ZNF766: variants seen among roughly 807,000 people sequenced by gnomAD.
ZNF766 encodes zinc finger protein 766.
ZNF766 carries 13 observed loss-of-function variants against 13.2 expected under a neutral mutation model. That is an observed-to-expected ratio of 0.98 (90% confidence interval 0.64 to 1.56). The LOEUF (loss-of-function observed/expected upper bound fraction) is 1.56, where lower values mean the gene tolerates loss of function less well. Ranked by LOEUF, ZNF766 falls within the 40% of genes most tolerant of loss-of-function variation. ZNF766 has a pLI of 0.00. For synonymous variants in ZNF766, 178 were observed against 187.6 expected, an observed-to-expected ratio of 0.95 and a Z score of 0.42; for missense variants, 521 against 552.2, an observed-to-expected ratio of 0.94 and a Z score of 0.57.
intron 1 of ZNF766, among the ~76,000 whole-genome samples, chr19:52,281,154 T>TA (rs72487281): frequency 4.6e-4 from 65 of 142,662 alleles, no homozygotes; most frequent in Non-Finnish European, 5.5e-4. Context: ...AAACTCCATC[T>TA]AAAAAAAAAA....
Position 52,282,106 on chromosome 19 carries a change from T to A in ZNF766, c.19-5T>A. On this transcript the variant is annotated splice_region_variant and splice_polypyrimidine_tract_variant and intron_variant, in intron 1 of 3. Transcript: ENST00000439461. ...CCTGTTGGTCAAATACATCTTTTAT[T>A]TTAGGGACACTTGACATTCAGGGAC... The A allele has an allele frequency of 1.3e-6, 2 of 1,597,402 alleles. No homozygotes were observed. Among genetic ancestry groups the A allele is most frequent in the Non-Finnish European group, 1.7e-6 (2 of 1,169,776 alleles).
chr19:52,283,535 T>G (rs1035458008), intron 3 of ZNF766, 122 bp downstream of exon 3: 1 of 1,296,008 alleles, frequency 7.7e-7, no homozygotes, highest in Non-Finnish European at 1.0e-6. Context: ...ACTCCTGGGC[T>G]TCAACAGTCC....
At chr19:52,274,559 C>T (rs1367559549) in intron 1 of ZNF766, 1 of 152,224 alleles carries the variant, frequency 6.6e-6, no homozygotes, top group Non-Finnish European at 1.5e-5. Flanking sequence ...GGAACTGATA[C>T]AGGAACATGT....
rs1982210622 is a variant in ZNF766 at position 52,292,835 on chromosome 19, A to G, written c.*1637A>G. On this transcript the variant is annotated 3_prime_UTR_variant, in exon 4 of 4. Coordinates refer to ENST00000439461, the MANE Select transcript of ZNF766 (RefSeq NM_001010851.3). The stretch of plus-strand genomic sequence containing the variant: ...ATTTTTAAATTAATTTATTTTTAAA[A>G]TTAAAGTTCTAGTGTACATGTCCAC... 6.6e-6 allele frequency: 1 copy of G among 152,238 alleles called. No individual in the cohort carries two copies. The highest frequency in any genetic ancestry group is 2.4e-5 in the African/African-American group (1 of 41,454). 9.4% of individuals were successfully genotyped at this position (152,238 alleles called of 1,614,324 possible). A position where few individuals can be genotyped will look rare whatever the true frequency, so the allele number is the denominator to read the frequency against.
Position 52,291,854 on chromosome 19 carries a change from C to T in ZNF766, c.*656C>T. The T allele has an allele frequency of 9.0e-6, 3 of 334,428 alleles. No individual in the cohort carries two copies. The highest frequency in any genetic ancestry group is 7.2e-5 in the South Asian group (1 of 13,978). 20.7% of individuals were successfully genotyped at this position (334,428 alleles called of 1,614,324 possible). On this transcript the variant is annotated 3_prime_UTR_variant, in exon 4 of 4. Coordinates refer to ENST00000439461, the MANE Select transcript of ZNF766 (RefSeq NM_001010851.3). ...CAATAGAAAGCCAAGACAGGAGGGT[C>T]ACTTGATGCCTGGAGATCAAGATAA...
In ZNF766 at chr19:52,291,244, G is replaced by C. The variant is rs746920523; in HGVS notation, c.*46G>C. On this transcript the variant is annotated 3_prime_UTR_variant, in exon 4 of 4. Transcript: ENST00000439461. The stretch of plus-strand genomic sequence containing the variant: ...AGTTCTAGCAGTAATCAACATCCGA[G>C]AGTCTATACTAGAAAGAAATCATTT... The C allele has an allele frequency of 6.6e-7, 1 of 1,506,034 alleles. No individual in the cohort carries two copies. The highest frequency in any genetic ancestry group is 8.9e-7 in the Non-Finnish European group (1 of 1,122,478). The allele number at this position is 1,506,034 out of a possible 1,614,324, so 93.3% of individuals were successfully genotyped here.
chr19:52,281,233 A>G (rs961696006), intron 1 of ZNF766, among the ~76,000 whole-genome samples: 1 of 151,730 alleles, frequency 6.6e-6, no homozygotes, highest in African/African-American at 2.4e-5. Flanking sequence ...GTTCTACACT[A>G]TTGGGCCGGG....
At chr19:52,271,871 A>G (rs1487761274) in intron 1 of ZNF766, among the ~76,000 whole-genome samples, 2 of 150,992 alleles carry the variant, frequency 1.3e-5, no homozygotes, top group Non-Finnish European at 2.9e-5. Flanking sequence ...GAGGCAGGAG[A>G]GTCACTTGAA....
chr19:52,280,055 C>T (rs1392004950), intron 1 of ZNF766, among the ~76,000 whole-genome samples: 1 of 152,094 alleles, frequency 6.6e-6, no homozygotes, highest in East Asian at 1.9e-4. Flanking sequence ...CTCAGCCTCC[C>T]AAAGTGTTGG....
intron 3 of ZNF766, chr19:52,285,171 C>T (rs557104786): frequency 6.6e-6 from 1 of 152,268 alleles, no homozygotes; most frequent in East Asian, 1.9e-4. Flanking sequence ...ACAAAACTCG[C>T]AAACCATGTT....
intron 1 of ZNF766, among the ~76,000 whole-genome samples, chr19:52,276,452 ACTGTATACTCTGT>A (rs1182087609): frequency 3.3e-5 from 5 of 152,102 alleles, no homozygotes; most frequent in Admixed American, 3.3e-4. Context: ...GACCCCATGC[ACTGTATACTCTGT>A]CTGCCCATCA....
intron 1 of ZNF766, among the ~76,000 whole-genome samples, chr19:52,272,869 G>A (rs145022476): frequency 1.4e-3 from 217 of 152,154 alleles, no homozygotes; most frequent in African/African-American, 4.2e-3. Context: ...CTCCACCTTC[G>A]TATGTGCCAC....
intron 1 of ZNF766, among the ~76,000 whole-genome samples, chr19:52,270,262 A>G (rs1470999673): frequency 6.6e-6 from 1 of 152,108 alleles, no homozygotes; most frequent in Admixed American, 6.6e-5. Flanking sequence ...GAAGTGAAAG[A>G]GAGATGGAGA....
intron 3 of ZNF766, among the ~76,000 whole-genome samples, chr19:52,287,309 A>C (rs569389503): frequency 6.6e-6 from 1 of 151,590 alleles, no homozygotes; most frequent in African/African-American, 2.4e-5. Context: ...CGCCTAGCTA[A>C]TTTTTGTATT....
In ZNF766 at chr19:52,293,450, C is replaced by A. The variant is rs1982236297; in HGVS notation, c.*2252C>A. ...TCGGGTTCCCGAAGTGCTAAGATTACAGGCATGAGCCACGGCGCCTGGCCA... is the reference window on the plus strand; with the variant it reads ...TCGGGTTCCCGAAGTGCTAAGATTAAAGGCATGAGCCACGGCGCCTGGCCA... On this transcript the variant is annotated 3_prime_UTR_variant, in exon 4 of 4. Coordinates refer to ENST00000439461, the MANE Select transcript of ZNF766 (RefSeq NM_001010851.3). 2 of 151,996 alleles carry A rather than the reference C, an allele frequency of 1.3e-5. No homozygotes were observed. The highest frequency in any genetic ancestry group is 4.8e-5 in the African/African-American group (2 of 41,354). 9.4% of individuals were successfully genotyped at this position (151,996 alleles called of 1,614,324 possible). A position where few individuals can be genotyped will look rare whatever the true frequency, so the allele number is the denominator to read the frequency against.
At chr19:52,280,525 A>G (rs553148985) in intron 1 of ZNF766, among the ~76,000 whole-genome samples, 1 of 152,324 alleles carries the variant, frequency 6.6e-6, no homozygotes, top group African/African-American at 2.4e-5. Flanking sequence ...ATGGATAAGC[A>G]AGCCTATAGT....
At chr19:52,277,100 C>T in intron 1 of ZNF766, 3 of 1,008,702 alleles carry the variant, frequency 3.0e-6, no homozygotes, top group East Asian at 2.1e-4. Context: ...GGTTGTGGCA[C>T]AGGAAGAAAG....
chr19:52,288,107 G>A (rs772738228), intron 3 of ZNF766: 7 of 342,004 alleles, frequency 2.0e-5, no homozygotes, highest in African/African-American at 9.6e-5. Context: ...TGCAACTTCC[G>A]CCTCCCAGGT....
chr19:52,281,500 C>G (rs1981518518), intron 1 of ZNF766: 1 of 277,878 alleles, frequency 3.6e-6, no homozygotes, highest in Non-Finnish European at 7.0e-6. Flanking sequence ...GCCTGGGTGA[C>G]AGACTGAGAC....
Sources: allele counts gnomAD v4.1 joint callset (sites outside exome capture counted in the v4.1 genomes callset), GRCh38; gene constraint gnomAD v4.1.1; transcripts MANE v1.5; gene names NCBI Gene and HGNC (gene_info 2026-07-23, HGNC 2026-07-21).